Variants in LAMC2 observed in about 807,000 individuals in gnomAD.
LAMC2 encodes laminin subunit gamma 2.
LAMC2 carries 97 observed loss-of-function variants against 140.2 expected under a neutral mutation model. The ratio of observed to expected loss-of-function variants is 0.69; its 90% CI spans 0.59 to 0.82. LAMC2 has a LOEUF of 0.82. Among genes scored for constraint, LAMC2 ranks in the 40% least tolerant of loss-of-function variants. LAMC2 has a pLI of 0.00. For synonymous variants in LAMC2, 513 were observed against 540.2 expected, an observed-to-expected ratio of 0.95 and a Z score of 0.70; for missense variants, 1,402 against 1,476.1, an observed-to-expected ratio of 0.95 and a Z score of 0.82.
In LAMC2 at chr1:183,230,141, A is replaced by C. The variant is rs1403809495; in HGVS notation, c.1715-820A>C. On this transcript the variant is annotated intron_variant, in intron 11 of 22. Coordinates refer to ENST00000264144, the MANE Select transcript of LAMC2 (RefSeq NM_005562.3). ...ATTCTAGGTTACTAACAGAAATTTC[A>C]CTGGCTTTACACCACACATTTCTTC... is the stretch of plus-strand genomic sequence containing the variant. Among the ~76,000 whole-genome samples, 8 of 152,290 alleles carry C rather than the reference A, an allele frequency of 5.3e-5. No homozygotes were observed. The South Asian group carries it at 1.7e-3, about 32-fold the overall frequency.
intron 1 of LAMC2, 24 bp from the exon 2 acceptor site, chr1:183,207,857 C>G: frequency 6.9e-6 from 9 of 1,312,656 alleles, no homozygotes; most frequent in African/African-American, 1.7e-5. Context: ...TTTTGACGAT[C>G]TCTTTTGTAT....
intron 19 of LAMC2, 56 bp from the exon 20 acceptor site, chr1:183,239,308 C>T: frequency 1.3e-6 from 2 of 1,492,388 alleles, no homozygotes; most frequent in Non-Finnish European, 1.9e-6. Flanking sequence ...GCCCCTTTCA[C>T]TCATTTGTAA....
chr1:183,188,364 T>C (rs1378135963), intron 1 of LAMC2, among the ~76,000 whole-genome samples: 1 of 152,242 alleles, frequency 6.6e-6, no homozygotes, highest in Non-Finnish European at 1.5e-5. Context: ...GAGTGTCCTG[T>C]GGGCTGCACA....
chr1:183,197,397 G>C lies in LAMC2; in HGVS notation c.80-10484G>C, dbSNP rs144539239. Reference sequence around the variant, plus strand: ...ACCAATTGGAAATGTAAAGTGAGCTGGGCGCAGTGACTCGTGCCTGTAATC... The same window carrying C: ...ACCAATTGGAAATGTAAAGTGAGCTCGGCGCAGTGACTCGTGCCTGTAATC... On this transcript the variant is annotated intron_variant, in intron 1 of 22. Coordinates refer to ENST00000264144, the MANE Select transcript of LAMC2 (RefSeq NM_005562.3). Among the ~76,000 whole-genome samples, 562 of 152,180 alleles carry C rather than the reference G, an allele frequency of 3.7e-3. 5 individuals are homozygous for C. The highest frequency in any genetic ancestry group is 0.013 in the African/African-American group (546 of 41,550).
intron 1 of LAMC2, among the ~76,000 whole-genome samples, chr1:183,201,302 A>T (rs1411962916): frequency 6.6e-6 from 1 of 151,940 alleles, no homozygotes; most frequent in African/African-American, 2.4e-5. Flanking sequence ...CTGATTTTTT[A>T]AATTTTATTT....
chr1:183,224,293 A>G (rs10911288), intron 7 of LAMC2, among the ~76,000 whole-genome samples: 39,148 of 152,082 alleles, frequency 0.26, 5,824 homozygotes, highest in African/African-American at 0.39. Context: ...CAATATTTAT[A>G]GCTGGAATAC....
chr1:183,218,943 C>A (rs1659373891), intron 4 of LAMC2, among the ~76,000 whole-genome samples: 1 of 152,234 alleles, frequency 6.6e-6, no homozygotes, highest in African/African-American at 2.4e-5. Context: ...AGAAGAGGCA[C>A]TGCCCTGGGG....
intron 1 of LAMC2, among the ~76,000 whole-genome samples, chr1:183,193,438 C>T (rs1457679994): frequency 6.6e-6 from 1 of 152,116 alleles, no homozygotes; most frequent in East Asian, 1.9e-4. Context: ...TGCTACAGAC[C>T]CTTGTAAGTT....
intron 19 of LAMC2, 26 bp from the exon 20 acceptor site, chr1:183,239,338 G>C: frequency 6.2e-7 from 1 of 1,608,584 alleles, no homozygotes; most frequent in Non-Finnish European, 8.5e-7. Context: ...CATCTTCACG[G>C]CAGTTTTTTC....
rs376407710 is a variant in LAMC2 at position 183,220,876 on chromosome 1, C to T, written c.555C>T (p.Thr185=). Residue 185 remains threonine (T), a synonymous_variant, in exon 5 of 23, where the codon ACC becomes ACT. Coordinates refer to ENST00000264144, the MANE Select transcript of LAMC2 (RefSeq NM_005562.3). The part of the protein sequence containing the change: ...NLDGGNPEGC[T]QCFCYGHSAS... ...ATGGGGGGAACCCTGAGGGCTGTAC[C>T]CAGTGTTTCTGCTATGGGCATTCAG... 4.5e-5 allele frequency: 72 copies of T among 1,613,652 alleles called. No individual in the cohort carries two copies. Among genetic ancestry groups the T allele is most frequent in the Non-Finnish European group, 5.7e-5 (67 of 1,179,692 alleles).
intron 14 of LAMC2, 111 bp from the exon 15 acceptor site, chr1:183,234,254 CCT>C: frequency 1.3e-6 from 1 of 766,474 alleles, no homozygotes; most frequent in South Asian, 1.5e-5. Flanking sequence ...GGTGTGGAAC[CCT>C]GTGTGGCTAA....
In LAMC2 at chr1:183,228,327, C is replaced by T. The variant is rs1215932993; in HGVS notation, c.1469-47C>T. On this transcript the variant is annotated intron_variant, in intron 10 of 22. Coordinates refer to ENST00000264144, the MANE Select transcript of LAMC2 (RefSeq NM_005562.3). This position sits in a 1 kb window ranked among gnomAD's most constrained non-coding sequence, Gnocchi z 4.3. Reference sequence around the variant, plus strand: ...ACTTTAGGCCTCTGCGTCTGGTCTTCCTCCTGATGGATGTCGACCTAGGCT... The same window carrying T: ...ACTTTAGGCCTCTGCGTCTGGTCTTTCTCCTGATGGATGTCGACCTAGGCT... 6.2e-7 allele frequency: 1 copy of T among 1,613,928 alleles called. No individual in the cohort carries two copies. The highest frequency in any genetic ancestry group is 8.5e-7 in the Non-Finnish European group (1 of 1,179,938).
At chr1:183,235,805 G>A (rs1012966300) in intron 16 of LAMC2, 75 bp downstream of exon 16, 22 of 1,464,648 alleles carry the variant, frequency 1.5e-5, no homozygotes, top group Non-Finnish European at 2.0e-5. Context: ...CCGTACTTGA[G>A]GGGCACCATG....
chr1:183,211,635 T>C (rs1486693358), intron 2 of LAMC2, among the ~76,000 whole-genome samples: 2 of 151,964 alleles, frequency 1.3e-5, no homozygotes, highest in African/African-American at 4.8e-5. Flanking sequence ...CTCAGCCTCC[T>C]GAGTAGCTCG....
intron 1 of LAMC2, among the ~76,000 whole-genome samples, chr1:183,194,699 G>C (rs1259767994): frequency 6.6e-6 from 1 of 151,982 alleles, no homozygotes; most frequent in Non-Finnish European, 1.5e-5. Context: ...TTTACCTCTG[G>C]CATCCCTGGA....
intron 6 of LAMC2, 58 bp from the exon 7 acceptor site, chr1:183,223,077 T>G (rs1235390123): frequency 2.0e-6 from 3 of 1,524,312 alleles, no homozygotes; most frequent in Non-Finnish European, 1.8e-6. Flanking sequence ...CAAACTTGCA[T>G]GTGTTTGCCT....
intron 19 of LAMC2, 22 bp downstream of exon 19, chr1:183,238,443 T>C: frequency 1.3e-6 from 2 of 1,510,158 alleles, no homozygotes; most frequent in Non-Finnish European, 1.8e-6. Flanking sequence ...ATGGTTCAGG[T>C]CACTTGAGTA....
chr1:183,226,912 C>T lies in LAMC2; in HGVS notation c.1281C>T (p.Asp427=), dbSNP rs887847711. ...NCQGGGACDP[D]TGDCYSGDEN... ...AAGGGGGAGGGGCCTGTGATCCAGA[C>T]ACAGGTGAGTGAAATGACACCTGGA... The change falls in exon 9 of 23, where the codon GAC becomes GAT. Residue 427 remains aspartate, a synonymous_variant. Coordinates refer to ENST00000264144, the MANE Select transcript of LAMC2 (RefSeq NM_005562.3). 4.3e-6 allele frequency: 7 copies of T among 1,613,014 alleles called. No individual in the cohort carries two copies. The African/African-American group carries it at 9.3e-5, about 22-fold the overall frequency.
intron 2 of LAMC2, among the ~76,000 whole-genome samples, chr1:183,214,164 C>T (rs1187235525): frequency 6.6e-6 from 1 of 152,166 alleles, no homozygotes; most frequent in Non-Finnish European, 1.5e-5. Context: ...CCTTCCACAA[C>T]AGCTCAGCCC....
Sources: gnomAD v4.1 joint callset for allele counts (sites outside exome capture counted in the v4.1 genomes callset) on GRCh38, gnomAD v4.1.1 for gene constraint, Gnocchi (gnomAD v3.1) non-coding constraint, MANE v1.5 for transcripts, NCBI Gene and HGNC (gene_info 2026-07-23, HGNC 2026-07-21) for gene names.